Variants in TMTC1 observed in about 807,000 individuals in gnomAD.
The protein encoded by TMTC1 is transmembrane O-mannosyltransferase targeting cadherins 1.
In TMTC1, 73 loss-of-function variants were observed where a neutral mutation model predicts 104.8. The observed-to-expected ratio is 0.70, with a 90% confidence interval of 0.58 to 0.85. The LOEUF (loss-of-function observed/expected upper bound fraction) is 0.85. Among genes scored for constraint, TMTC1 ranks in the 40% least tolerant of loss-of-function variants. The pLI is 0.00. For synonymous variants in TMTC1, 434 were observed against 428.7 expected, an observed-to-expected ratio of 1.01 and a Z score of -0.15; for missense variants, 1,035 against 1,096.1, an observed-to-expected ratio of 0.94 and a Z score of 0.79.
At chr12:29,655,509 C>G (rs578106224) in intron 5 of TMTC1, among the ~76,000 whole-genome samples, 62 of 152,264 alleles carry the variant, frequency 4.1e-4, no homozygotes, top group African/African-American at 1.4e-3. Context: ...TAGTAAGCAG[C>G]AAATAATAAG....
In TMTC1 at chr12:29,520,594, C is replaced by T. The variant is rs184655747; in HGVS notation, c.1888+24G>A. ...ATTGTATTAGCTAATCTCAGCAGTA[C>T]AGTTTCTCTTTAATTTCACTTACCA... is the stretch of plus-strand genomic sequence containing the variant. On this transcript the variant is annotated intron_variant, in intron 12 of 17. Transcript: ENST00000539277. 1.3e-5 allele frequency: 20 copies of T among 1,560,382 alleles called. No individual in the cohort carries two copies. The East Asian group carries it at 4.0e-4, about 32-fold the overall frequency.
intron 5 of TMTC1, among the ~76,000 whole-genome samples, chr12:29,732,980 T>C (rs969465383): frequency 2.0e-5 from 3 of 152,280 alleles, no homozygotes; most frequent in Admixed American, 2.0e-4. Context: ...CCAACAATGT[T>C]CCAGTACCTT....
chr12:29,659,970 A>C, intron 5 of TMTC1: 1 of 1,535,706 alleles, frequency 6.5e-7, no homozygotes, highest in South Asian at 1.2e-5. Flanking sequence ...ACGGAAGTAC[A>C]AAATGACAAG....
At position 29,692,145 on chromosome 12, in the gene TMTC1, T is replaced by C. The variant is rs142651193; in HGVS notation, c.939-58809A>G. 4.1e-5 allele frequency among the ~76,000 whole-genome samples: 6 copies of C among 145,756 alleles called. 2 individuals carry two copies. Among genetic ancestry groups the C allele is most frequent in the African/African-American group, 1.3e-4 (5 of 39,916 alleles). Reference sequence around the variant, plus strand: ...GTGTCTTTATTCCCCACTGATAACATTACAAGAATATGCTTTGGCTTTCCA... The same window carrying C: ...GTGTCTTTATTCCCCACTGATAACACTACAAGAATATGCTTTGGCTTTCCA... On this transcript the variant is annotated intron_variant, in intron 5 of 17. Transcript: ENST00000539277.
chr12:29,671,340 T>TAAAAG (rs1289261023), intron 5 of TMTC1, among the ~76,000 whole-genome samples: 28 of 149,728 alleles, frequency 1.9e-4, no homozygotes, highest in South Asian at 4.2e-4. Flanking sequence ...ATAAAAGAAA[T>TAAAAG]AAACAAAAAG....
chr12:29,614,355 C>T (rs2136437870), intron 6 of TMTC1, among the ~76,000 whole-genome samples: 1 of 152,290 alleles, frequency 6.6e-6, no homozygotes, highest in Non-Finnish European at 1.5e-5. Context: ...AACATATGGT[C>T]ACAAAATCCT....
At chr12:29,569,172 A>G (rs1243173389) in intron 9 of TMTC1, among the ~76,000 whole-genome samples, 1 of 152,208 alleles carries the variant, frequency 6.6e-6, no homozygotes, top group Non-Finnish European at 1.5e-5. Flanking sequence ...AATATTATAA[A>G]TGATGTAAAG....
chr12:29,733,786 T>C (rs1300726404), intron 5 of TMTC1, among the ~76,000 whole-genome samples: 1 of 152,218 alleles, frequency 6.6e-6, no homozygotes, highest in African/African-American at 2.4e-5. Flanking sequence ...TTCTGTGCCA[T>C]CAATAATTTT....
chr12:29,625,642 G>A (rs1443142304), intron 6 of TMTC1, among the ~76,000 whole-genome samples: 1 of 152,204 alleles, frequency 6.6e-6, no homozygotes, highest in Non-Finnish European at 1.5e-5. Flanking sequence ...CTCCCTGAAA[G>A]AAAAGGATCA....
chr12:29,670,657 G>GGT (rs1565756012), intron 5 of TMTC1, among the ~76,000 whole-genome samples: 1 of 152,084 alleles, frequency 6.6e-6, no homozygotes, highest in Non-Finnish European at 1.5e-5. Flanking sequence ...GGGTCAGTGT[G>GGT]GTGGCTCATG....
chr12:29,732,663 C>A (rs114373261), intron 5 of TMTC1, among the ~76,000 whole-genome samples: 2 of 151,930 alleles, frequency 1.3e-5, no homozygotes, highest in African/African-American at 4.8e-5. Flanking sequence ...GCATATAGTA[C>A]GGGATTTAAA....
At chr12:29,539,545 GTTCTGACTAGC>G (rs1460817778) in intron 10 of TMTC1, among the ~76,000 whole-genome samples, 1 of 152,138 alleles carries the variant, frequency 6.6e-6, no homozygotes. Context: ...CTACAATATG[GTTCTGACTAGC>G]ATTCCAAACA....
rs1943407545 is a variant in TMTC1, at chr12:29,763,933, C to G, written c.480+3965G>C. 2.0e-5 allele frequency among the ~76,000 whole-genome samples: 3 copies of G among 152,004 alleles called. No homozygotes were observed. In the South Asian group the frequency reaches 6.2e-4, roughly 32 times the overall value. ...GAGTAAATAAAGAAGTGAGGAGGGG[C>G]AATGGGAAGCAAAGATGGAACATTA... On this transcript the variant is annotated intron_variant, in intron 2 of 17. Transcript: ENST00000539277.
intron 6 of TMTC1, among the ~76,000 whole-genome samples, chr12:29,606,055 T>C (rs1200679972): frequency 1.3e-5 from 2 of 152,376 alleles, no homozygotes; most frequent in East Asian, 1.9e-4. Flanking sequence ...TTCTTTCTTA[T>C]GGCTGCTTAG....
At chr12:29,725,870 A>G (rs1309307365) in intron 5 of TMTC1, among the ~76,000 whole-genome samples, 1 of 152,234 alleles carries the variant, frequency 6.6e-6, no homozygotes, top group Non-Finnish European at 1.5e-5. Flanking sequence ...CTAAAACTCA[A>G]TATTCAAATT....
At chr12:29,616,669 C>CAAA (rs71045821) in intron 6 of TMTC1, among the ~76,000 whole-genome samples, 40 of 79,640 alleles carry the variant, frequency 5.0e-4, no homozygotes, top group South Asian at 1.6e-3. Flanking sequence ...AACTTGGTCT[C>CAAA]AAAAAAAAAA....
At chr12:29,622,784 G>A (rs866596135) in intron 6 of TMTC1, among the ~76,000 whole-genome samples, 2 of 152,324 alleles carry the variant, frequency 1.3e-5, no homozygotes, top group Admixed American at 6.5e-5. Context: ...AATGAATGGT[G>A]TGTGAGTAGA....
At chr12:29,519,797 C>T (rs1024347916) in intron 12 of TMTC1, 6 of 152,142 alleles carry the variant, frequency 3.9e-5, no homozygotes, top group African/African-American at 1.4e-4. Context: ...CACTACACAA[C>T]AATTTTACAC....
At chr12:29,615,919 A>G (rs1284028611) in intron 6 of TMTC1, among the ~76,000 whole-genome samples, 2 of 152,200 alleles carry the variant, frequency 1.3e-5, no homozygotes, top group Non-Finnish European at 2.9e-5. Flanking sequence ...TGAACTCTCA[A>G]GGTCCAGTGA....
Sources: allele counts gnomAD v4.1 joint callset (sites outside exome capture counted in the v4.1 genomes callset), GRCh38; gene constraint gnomAD v4.1.1; transcripts MANE v1.5; gene names NCBI Gene and HGNC (gene_info 2026-07-23, HGNC 2026-07-21).